Variants in ACER3 observed in about 807,000 individuals in gnomAD.
ACER3 encodes alkCDase 3.
ACER3 carries 16 observed loss-of-function variants against 48.9 expected under a neutral mutation model. The ratio of observed to expected loss-of-function variants is 0.33; its 90% confidence interval spans 0.22 to 0.50. The LOEUF is 0.50. ACER3 is among the 20% of genes least tolerant of loss of function. The probability of loss-of-function intolerance (pLI) is 0.98; values close to 1 mark genes in which losing one functional copy is unlikely to be tolerated. For synonymous variants in ACER3, 109 were observed against 107.8 expected (o/e 1.01, Z -0.07); for missense variants, 227 against 326.0 (o/e 0.70, Z 2.34).
At chr11:76,962,929 A>G (rs1367399336) in intron 3 of ACER3, among the ~76,000 whole-genome samples, 2 of 151,374 alleles carry the variant, frequency 1.3e-5, no homozygotes, top group African/African-American at 4.9e-5. Context: ...AAAATTAGTT[A>G]GGTAAACGGT....
At chr11:76,964,309 G>A (rs535742531) in intron 3 of ACER3, among the ~76,000 whole-genome samples, 3 of 151,522 alleles carry the variant, frequency 2.0e-5, no homozygotes, top group East Asian at 1.9e-4. Context: ...TAAACAAAGC[G>A]GCCGGGAAGC....
chr11:77,000,861 C>CT (rs1314618556), intron 7 of ACER3, among the ~76,000 whole-genome samples: 2 of 151,870 alleles, frequency 1.3e-5, no homozygotes, highest in African/African-American at 4.8e-5. Context: ...CCACTTCATT[C>CT]TTTTTTTTCA....
chr11:76,934,835 A>T (rs944157158), intron 2 of ACER3, among the ~76,000 whole-genome samples: 2 of 151,994 alleles, frequency 1.3e-5, no homozygotes, highest in Admixed American at 6.6e-5. Flanking sequence ...TATAAAATAG[A>T]CCCCCCAACA....
intron 9 of ACER3, 121 bp downstream of exon 9, chr11:77,016,900 A>G (rs1207323564): frequency 9.3e-6 from 5 of 539,824 alleles, no homozygotes; most frequent in Non-Finnish European, 1.6e-5. Flanking sequence ...TGAAAATTAA[A>G]TAGTACACTC....
At chr11:76,972,381 A>G (rs1399009677) in intron 3 of ACER3, among the ~76,000 whole-genome samples, 4 of 152,138 alleles carry the variant, frequency 2.6e-5, no homozygotes, top group African/African-American at 9.7e-5. Flanking sequence ...CACCATTTGT[A>G]TATCTTCATA....
intron 1 of ACER3, among the ~76,000 whole-genome samples, chr11:76,876,358 A>G (rs1211913629): frequency 1.3e-5 from 2 of 151,936 alleles, no homozygotes; most frequent in Non-Finnish European, 2.9e-5. Context: ...TATTTCGGGT[A>G]AGGCTTCTTT....
chr11:76,918,259 G>T (rs1213448553), intron 1 of ACER3, among the ~76,000 whole-genome samples: 5 of 148,212 alleles, frequency 3.4e-5, no homozygotes, highest in Admixed American at 2.7e-4. Context: ...TTGGTTTCCT[G>T]TTTTTTTTTT....
At chr11:76,949,044 T>C (rs10431182) in intron 2 of ACER3, among the ~76,000 whole-genome samples, 86,789 of 152,036 alleles carry the variant, frequency 0.57, 27,979 homozygotes, top group Non-Finnish European at 0.74. Context: ...CCTTGTACAC[T>C]ATTTCCAGTG....
At chr11:76,942,791 G>T (rs1947370771) in intron 2 of ACER3, among the ~76,000 whole-genome samples, 1 of 151,894 alleles carries the variant, frequency 6.6e-6, no homozygotes, top group Non-Finnish European at 1.5e-5. Flanking sequence ...GGTAGAACTT[G>T]GCTGTGGATC....
In ACER3 at chr11:77,025,215, G is replaced by A. The variant is rs558509980; in HGVS notation, c.*4888G>A. The A allele has an allele frequency of 6.6e-6, 1 of 151,910 alleles. No homozygotes were observed. Among genetic ancestry groups the A allele is most frequent in the South Asian group, 2.1e-4 (1 of 4,810 alleles). The allele number at this position is 151,910 out of a possible 1,614,324, so 9.4% of individuals were successfully genotyped here. On this transcript the variant is annotated 3_prime_UTR_variant, in exon 11 of 11. Coordinates refer to ENST00000532485, the MANE Select transcript of ACER3 (RefSeq NM_018367.7). ...GAGAAATCTTTAAGCATATACATAT[G>A]GTTCCCTATAAGCATTCATTCAGAG... is the stretch of plus-strand genomic sequence containing the variant.
At chr11:76,961,014 G>A (rs1947979510) in intron 3 of ACER3, among the ~76,000 whole-genome samples, 1 of 152,146 alleles carries the variant, frequency 6.6e-6, no homozygotes, top group East Asian at 1.9e-4. Flanking sequence ...AGCACAAGCA[G>A]AGTCGAGAGG....
chr11:76,869,329 T>C (rs1183004207), intron 1 of ACER3, among the ~76,000 whole-genome samples: 1 of 152,234 alleles, frequency 6.6e-6, no homozygotes, highest in Non-Finnish European at 1.5e-5. Context: ...AGTTGATATA[T>C]GCAGACAGCA....
chr11:76,917,004 C>T (rs1277603724), intron 1 of ACER3, among the ~76,000 whole-genome samples: 1 of 152,156 alleles, frequency 6.6e-6, no homozygotes, highest in South Asian at 2.1e-4. Context: ...ATGGAGCTCC[C>T]AAGTTCTTCT....
chr11:76,870,399 G>A (rs1162095799), intron 1 of ACER3, among the ~76,000 whole-genome samples: 2 of 152,156 alleles, frequency 1.3e-5, no homozygotes, highest in African/African-American at 2.4e-5. Context: ...CTGCCAAGGT[G>A]CTGGGATTAC....
At chr11:76,931,600 G>C (rs1347862044) in intron 2 of ACER3, among the ~76,000 whole-genome samples, 1 of 152,200 alleles carries the variant, frequency 6.6e-6, no homozygotes, top group Non-Finnish European at 1.5e-5. Flanking sequence ...GCAGTGGCTA[G>C]TACCAGTTGT....
chr11:76,930,653 T>C (rs969491110), intron 2 of ACER3, among the ~76,000 whole-genome samples: 15 of 151,084 alleles, frequency 9.9e-5, no homozygotes, highest in African/African-American at 2.9e-4. Flanking sequence ...CCAGAGATTC[T>C]GGTATGTTGT....
intron 1 of ACER3, among the ~76,000 whole-genome samples, chr11:76,877,656 G>C (rs1945418036): frequency 6.6e-6 from 1 of 151,966 alleles, no homozygotes; most frequent in Non-Finnish European, 1.5e-5. Context: ...CCAACCTAAA[G>C]GTTGACAAAT....
chr11:76,862,219 G>A (rs972752116), intron 1 of ACER3, among the ~76,000 whole-genome samples: 16 of 151,644 alleles, frequency 1.1e-4, no homozygotes, highest in Non-Finnish European at 5.9e-5. Context: ...TGGCTTTGTA[G>A]GAAAGAGGCA....
chr11:76,969,495 C>T (rs1426752077), intron 3 of ACER3, among the ~76,000 whole-genome samples: 2 of 151,946 alleles, frequency 1.3e-5, no homozygotes, highest in Admixed American at 6.6e-5. Context: ...CACAGGCACA[C>T]GTATGTTTAT....
Sources: allele counts gnomAD v4.1 joint callset (sites outside exome capture counted in the v4.1 genomes callset), GRCh38; gene constraint gnomAD v4.1.1; transcripts MANE v1.5; gene names NCBI Gene and HGNC (gene_info 2026-07-23, HGNC 2026-07-21).